Variants in RFC5 observed in about 807,000 individuals in gnomAD.
The protein encoded by RFC5 is replication factor C subunit 5.
Under a neutral mutation model 44.3 loss-of-function variants are expected in RFC5, and 26 were observed. The observed-to-expected ratio is 0.59, with a 90% confidence interval of 0.43 to 0.81. The LOEUF (loss-of-function observed/expected upper bound fraction) is 0.81. RFC5 is among the 40% of genes least tolerant of loss of function. The pLI, the probability that RFC5 is intolerant of heterozygous loss-of-function variation, is 0.00. For synonymous variants in RFC5, 155 were observed against 155.2 expected, an observed-to-expected ratio of 1.00 and a Z score of 0.01; for missense variants, 328 against 418.6, an observed-to-expected ratio of 0.78 and a Z score of 1.89.
chr12:118,038,793 G>T, the RFC5 span, among the ~76,000 whole-genome samples: 4 of 152,098 alleles, frequency 2.6e-5, no homozygotes, highest in African/African-American at 9.7e-5. Flanking sequence ...CGATTCTCCT[G>T]CCTCAGCCTC....
chr12:118,025,051 A>G (rs753957496), intron 6 of RFC5, 41 bp downstream of exon 6: 1 of 1,588,076 alleles, frequency 6.3e-7, no homozygotes, highest in Non-Finnish European at 8.6e-7. Context: ...GTGTAGTAGA[A>G]ACAGGCTTGT....
the RFC5 span, among the ~76,000 whole-genome samples, chr12:118,040,889 A>C: frequency 1.3e-5 from 2 of 152,162 alleles, no homozygotes; most frequent in African/African-American, 4.8e-5. Flanking sequence ...CTCTACTAAA[A>C]ATACAAAACA....
chr12:118,023,952 C>T (rs541959789), intron 5 of RFC5, among the ~76,000 whole-genome samples: 1 of 152,232 alleles, frequency 6.6e-6, no homozygotes, highest in Non-Finnish European at 1.5e-5. Context: ...CGCAGTGGCT[C>T]ACACCTGTAA....
At position 118,026,930 on chromosome 12, in the gene RFC5, C is replaced by G; in HGVS notation, c.705C>G (p.Val235=). 6.2e-7 allele frequency: 1 copy of G among 1,614,104 alleles called. No homozygotes were observed. Among genetic ancestry groups the G allele is most frequent in the South Asian group, 1.1e-5 (1 of 91,082 alleles). The change falls in exon 8 of 11, where the codon GTC becomes GTG. Residue 235 remains valine, a synonymous_variant. Transcript: ENST00000454402. ...MAFGKVTEET[V]YTCTGHPLKS... ...TTGGGAAGGTGACAGAGGAGACTGTCTACACCTGCACCGGGCACCCGCTCA... is the reference window on the plus strand; with the variant it reads ...TTGGGAAGGTGACAGAGGAGACTGTGTACACCTGCACCGGGCACCCGCTCA...
intron 5 of RFC5, among the ~76,000 whole-genome samples, chr12:118,023,719 C>T (rs1006379679): frequency 3.3e-5 from 5 of 151,762 alleles, no homozygotes; most frequent in Non-Finnish European, 7.4e-5. Context: ...CAGACAGTCT[C>T]CATGGAAAAG....
Position 118,026,515 on chromosome 12 carries a change from CTT to C in RFC5, c.664-373_664-372del, listed in dbSNP as rs2030952476. On this transcript the variant is annotated intron_variant, in intron 7 of 10. Coordinates refer to ENST00000454402, the MANE Select transcript of RFC5 (RefSeq NM_007370.7). Reference sequence around the variant, plus strand: ...TCAGGAGGCTGAGGCAGGAGGGTGACTTGAGCCTAGGAGGTCGAGGCTACAGT... The same window carrying C: ...TCAGGAGGCTGAGGCAGGAGGGTGACGAGCCTAGGAGGTCGAGGCTACAGT... 5.3e-5 allele frequency among the ~76,000 whole-genome samples: 8 copies of C among 152,282 alleles called. No homozygotes were observed. In the South Asian group the frequency reaches 1.7e-3, roughly 32 times the overall value.
At chr12:118,025,254 A>C (rs2030856542) in intron 6 of RFC5, 3 of 436,674 alleles carry the variant, frequency 6.9e-6, no homozygotes, top group Non-Finnish European at 1.2e-5. Context: ...AAGCTGTCCC[A>C]ATTTCCTCCT....
At chr12:118,025,960 T>G in intron 7 of RFC5, 132 bp downstream of exon 7, 1 of 606,076 alleles carries the variant, frequency 1.6e-6, no homozygotes, top group Middle Eastern at 4.7e-4. Context: ...GCGAATCTCC[T>G]GCCTCCTGAG....
At chr12:118,034,635 T>C, downstream of RFC5, 1 of 478,594 alleles carries the variant, frequency 2.1e-6, no homozygotes, top group Non-Finnish European at 3.7e-6. Flanking sequence ...AGTTCAAAAG[T>C]ATAAGGGGGA....
chr12:118,035,288 G>C, downstream of RFC5: 1 of 1,614,196 alleles, frequency 6.2e-7, no homozygotes, highest in Non-Finnish European at 8.5e-7. Context: ...TAATGTGGAC[G>C]TCACTGTCAT....
chr12:118,016,885 C>T lies in RFC5; in HGVS notation c.58C>T (p.Leu20=). The part of the protein sequence containing the change: ...EQPAATKIRN[L]PWVEKYRPQT... ...GCCCGCGGCGACCAAGATCAGGAAC[C>T]TGCCCTGGTAGGAGGAGGCCGAGCG... Residue 20 remains leucine, a synonymous_variant, in exon 1 of 11, where the codon CTG becomes TTG. Coordinates refer to ENST00000454402, the MANE Select transcript of RFC5 (RefSeq NM_007370.7). 6.8e-6 allele frequency: 11 copies of T among 1,613,350 alleles called. No homozygotes were observed. Among genetic ancestry groups the T allele is most frequent in the Non-Finnish European group, 8.5e-6 (10 of 1,179,690 alleles).
At position 118,026,798 on chromosome 12, in the gene RFC5, G is replaced by C. The variant is rs543331153; in HGVS notation, c.664-91G>C. On this transcript the variant is annotated intron_variant, in intron 7 of 10. Coordinates refer to ENST00000454402, the MANE Select transcript of RFC5 (RefSeq NM_007370.7). ...TAGAACTTTGCTGCTCACCTGCATT[G>C]CTGCCTTGGCAATTTCTTCTTGGCT... is the stretch of plus-strand genomic sequence containing the variant. 235 of 1,448,166 alleles carry C rather than the reference G, an allele frequency of 1.6e-4. 1 individual carries two copies. The South Asian group carries it at 2.8e-3, about 17-fold the overall frequency. The allele number at this position is 1,448,166 out of a possible 1,614,324, so 89.7% of individuals were successfully genotyped here. A position where few individuals can be genotyped will look rare whatever the true frequency, so the allele number is the denominator to read the frequency against.
chr12:118,034,963 C>G (rs779163340), downstream of RFC5: 10 of 1,605,292 alleles, frequency 6.2e-6, no homozygotes, highest in South Asian at 4.4e-5. Context: ...CACCACCCAT[C>G]TGTTCAGCTA....
intron 10 of RFC5, among the ~76,000 whole-genome samples, chr12:118,030,563 T>G (rs2031247569): frequency 6.6e-6 from 1 of 152,224 alleles, no homozygotes; most frequent in South Asian, 2.1e-4. Flanking sequence ...GACGAAATAA[T>G]CCTTCATTAC....
downstream of RFC5, chr12:118,036,624 C>G (rs2031517711): frequency 7.1e-6 from 8 of 1,121,498 alleles, 1 homozygote; most frequent in South Asian, 1.3e-4. Flanking sequence ...AGGGCTGATT[C>G]TCTATCCCTT....
At chr12:118,033,053 C>T (rs1340036050), downstream of RFC5, 1 of 152,018 alleles carries the variant, frequency 6.6e-6, no homozygotes. Context: ...CCATAAAGCA[C>T]CGATTAAGAA....
rs546132951 is a variant in RFC5 at position 118,024,266 on chromosome 12, G to T, written c.422-585G>T. ...TGAGGCAGGAGAATCGCTTTAATCC[G>T]GGAGGCAGAGGTTGCAGGGAGCCAA... is the stretch of plus-strand genomic sequence containing the variant. On this transcript the variant is annotated intron_variant, in intron 5 of 10. Coordinates refer to ENST00000454402, the MANE Select transcript of RFC5 (RefSeq NM_007370.7). 3.3e-5 allele frequency among the ~76,000 whole-genome samples: 5 copies of T among 151,524 alleles called. No individual in the cohort carries two copies. In the East Asian group the frequency reaches 6.0e-4, roughly 18 times the overall value.
In RFC5 at chr12:118,028,035, CT is replaced by C. The variant is rs1488535330; in HGVS notation, c.871+7del. ...TACACTTGTTTGTGCATAGAGGTAA[CT>C]TACATTATCCCCCAGCTGAGAAGCT... On this transcript the variant is annotated splice_donor_region_variant and intron_variant, in intron 9 of 10. Transcript: ENST00000454402. The C allele has an allele frequency of 8.3e-6, 13 of 1,575,396 alleles. No homozygotes were observed. Among genetic ancestry groups the C allele is most frequent in the Non-Finnish European group, 1.1e-5 (13 of 1,146,104 alleles).
At chr12:118,038,337 G>C in the RFC5 span, 3 of 1,614,132 alleles carry the variant, frequency 1.9e-6, no homozygotes, top group East Asian at 6.7e-5. Flanking sequence ...TGGGGAGATG[G>C]AACAGCAGTA....
Sources: allele counts gnomAD v4.1 joint callset (sites outside exome capture counted in the v4.1 genomes callset), GRCh38; gene constraint gnomAD v4.1.1; transcripts MANE v1.5; gene names NCBI Gene and HGNC (gene_info 2026-07-23, HGNC 2026-07-21).